The following BCAS3 variants were observed in gnomAD, a reference collection of about 807,000 sequenced individuals.
The protein encoded by BCAS3 is BCAS4/BCAS3 fusion.
Under a neutral mutation model 116.1 loss-of-function variants are expected in BCAS3, and 53 were observed. The observed-to-expected ratio is 0.46, with a 90% CI of 0.37 to 0.57. The LOEUF is 0.57. Among genes scored for constraint, BCAS3 ranks in the 20% least tolerant of loss-of-function variants. The pLI, the probability that BCAS3 is intolerant of heterozygous loss-of-function variation, is 0.00. For missense variants in BCAS3, 917 were observed against 1,165.4 expected, an observed-to-expected ratio of 0.79 and a Z score of 3.10; for synonymous variants, 391 against 408.2, an observed-to-expected ratio of 0.96 and a Z score of 0.51.
intron 22 of BCAS3, among the ~76,000 whole-genome samples, chr17:61,103,833 C>CTATTTTTGTGTATTTT (rs1388317850): frequency 6.6e-6 from 1 of 152,164 alleles, no homozygotes; most frequent in Non-Finnish European, 1.5e-5. Flanking sequence ...ATTTTTATAA[C>CTATTTTTGTGTATTTT]AGTCCCTAAA....
intron 14 of BCAS3, among the ~76,000 whole-genome samples, chr17:60,949,092 G>A (rs971686788): frequency 4.6e-5 from 7 of 152,016 alleles, no homozygotes; most frequent in African/African-American, 1.7e-4. Flanking sequence ...GGCCAGGCTG[G>A]TCTTGAACTC....
intron 19 of BCAS3, among the ~76,000 whole-genome samples, chr17:61,057,030 G>T (rs569254325): frequency 3.9e-5 from 6 of 152,270 alleles, no homozygotes; most frequent in African/African-American, 1.2e-4. Flanking sequence ...AATTATAGCT[G>T]CTCTCGACCA....
chr17:60,960,952 G>T lies in BCAS3; in HGVS notation c.1221+13600G>T, dbSNP rs529965077. On this transcript the variant is annotated intron_variant, in intron 14 of 23. Transcript: ENST00000407086. The surrounding 1 kb of genome is among the most constrained non-coding windows in gnomAD (Gnocchi z 4.1). ...TTCTTGCATTTGTCTCTCTATTCCTGGCTTCTGCTGATTGAGTGGATCCAT... is the reference window on the plus strand; with the variant it reads ...TTCTTGCATTTGTCTCTCTATTCCTTGCTTCTGCTGATTGAGTGGATCCAT... 6.6e-6 allele frequency among the ~76,000 whole-genome samples: 1 copy of T among 151,926 alleles called. No homozygotes were observed. The highest frequency in any genetic ancestry group is 2.4e-5 in the African/African-American group (1 of 41,406).
intron 19 of BCAS3, among the ~76,000 whole-genome samples, chr17:61,072,168 ATTAC>A (rs1412892151): frequency 2.0e-5 from 3 of 152,122 alleles, no homozygotes; most frequent in African/African-American, 7.2e-5. Context: ...TGGAATCTTT[ATTAC>A]TTCCTTTGGA....
intron 22 of BCAS3, among the ~76,000 whole-genome samples, chr17:61,317,660 C>T (rs928267526): frequency 3.3e-5 from 5 of 152,266 alleles, no homozygotes; most frequent in East Asian, 1.9e-4. Context: ...GAGAATTCAG[C>T]GAGACAAGAC....
At chr17:61,290,849 C>G (rs913361854) in intron 22 of BCAS3, among the ~76,000 whole-genome samples, 1 of 152,064 alleles carries the variant, frequency 6.6e-6, no homozygotes, top group Non-Finnish European at 1.5e-5. Context: ...GGCGTGATCT[C>G]GGCTCACTGT....
intron 12 of BCAS3, among the ~76,000 whole-genome samples, chr17:60,921,623 A>C (rs867986739): frequency 0.12 from 18,060 of 149,144 alleles, 3,789 homozygotes; most frequent in African/African-American, 0.43. Context: ...AAAAAAAAAA[A>C]AAAAAAAAAA....
chr17:61,308,605 G>A (rs896727613), intron 22 of BCAS3, among the ~76,000 whole-genome samples: 3 of 152,046 alleles, frequency 2.0e-5, no homozygotes, highest in African/African-American at 4.8e-5. Context: ...GCCTTGAAAC[G>A]ATGAGTCTGC....
At chr17:60,705,209 A>G (rs941476545) in intron 4 of BCAS3, among the ~76,000 whole-genome samples, 1 of 152,140 alleles carries the variant, frequency 6.6e-6, no homozygotes, top group African/African-American at 2.4e-5. Flanking sequence ...GATTTACGAT[A>G]GATACCATCA....
At chr17:60,715,575 G>A (rs570045407) in intron 5 of BCAS3, among the ~76,000 whole-genome samples, 1 of 151,826 alleles carries the variant, frequency 6.6e-6, no homozygotes, top group African/African-American at 2.4e-5. Flanking sequence ...TGCAACCTCC[G>A]CCTCCTGGGT....
rs1243480852 is a variant in BCAS3 at position 60,892,815 on chromosome 17, G to A, written c.738+3044G>A. On this transcript the variant is annotated intron_variant, in intron 10 of 23. Transcript: ENST00000407086. The stretch of plus-strand genomic sequence containing the variant: ...TGGGCGCCTGTAGTCCCAGCTACTC[G>A]GGAGGCTGAGGCAGGAGAATCACTT... Among the ~76,000 whole-genome samples the A allele has an allele frequency of 4.6e-5, 7 of 151,936 alleles. No homozygotes were observed. In the East Asian group the frequency reaches 7.8e-4, roughly 17 times the overall value.
intron 15 of BCAS3, among the ~76,000 whole-genome samples, chr17:60,998,304 A>G (rs1189140610): frequency 6.6e-6 from 1 of 152,182 alleles, no homozygotes; most frequent in African/African-American, 2.4e-5. Flanking sequence ...ACTGCGATGA[A>G]CATATAAGTG....
intron 13 of BCAS3, among the ~76,000 whole-genome samples, chr17:60,946,148 T>C (rs972862119): frequency 2.6e-5 from 4 of 152,128 alleles, no homozygotes; most frequent in Non-Finnish European, 5.9e-5. Context: ...AAATAGCCAA[T>C]TGATCCTTGG....
intron 13 of BCAS3, among the ~76,000 whole-genome samples, chr17:60,937,115 G>A (rs977116933): frequency 6.6e-6 from 1 of 152,100 alleles, no homozygotes; most frequent in Admixed American, 6.6e-5. Context: ...ATTAAATAGG[G>A]AATTGTTTCC....
rs1348072828 is a variant in BCAS3, at chr17:61,217,214, C to G, written c.2425+132650C>G. Among the ~76,000 whole-genome samples the G allele has an allele frequency of 6.6e-6, 1 of 152,038 alleles. No homozygotes were observed. Among genetic ancestry groups the G allele is most frequent in the Admixed American group, 6.5e-5 (1 of 15,268 alleles). On this transcript the variant is annotated intron_variant, in intron 22 of 23. Coordinates refer to ENST00000407086, the MANE Select transcript of BCAS3 (RefSeq NM_017679.5). This position sits in a 1 kb window ranked among gnomAD's most constrained non-coding sequence, Gnocchi z 5.2. ...AGGAGAATCGCTTGAACCCAGGAGG[C>G]GGAGGTTGCAGTGAGCTGAGATCGT... is the stretch of plus-strand genomic sequence containing the variant.
intron 22 of BCAS3, among the ~76,000 whole-genome samples, chr17:61,232,692 C>A (rs2082763038): frequency 1.3e-5 from 2 of 152,158 alleles, no homozygotes; most frequent in Non-Finnish European, 2.9e-5. Flanking sequence ...GTAGAAAATT[C>A]TTTGCAAATC....
In BCAS3 at chr17:61,313,731, A is replaced by G. The variant is rs1184943300; in HGVS notation, c.2426-54596A>G. 6.6e-6 allele frequency among the ~76,000 whole-genome samples: 1 copy of G among 152,212 alleles called. No individual in the cohort carries two copies. Among genetic ancestry groups the G allele is most frequent in the Non-Finnish European group, 1.5e-5 (1 of 68,034 alleles). ...CTGAGGCAGTTAACGATTAAACAAG[A>G]AGCAGCCTTTGGCTACAAAGCTAAT... is the stretch of plus-strand genomic sequence containing the variant. On this transcript the variant is annotated intron_variant, in intron 22 of 23. Transcript: ENST00000407086. The surrounding 1 kb of genome is among the most constrained non-coding windows in gnomAD (Gnocchi z 4.3).
chr17:61,008,723 C>T lies in BCAS3; in HGVS notation c.1487-7028C>T, dbSNP rs1440783650. On this transcript the variant is annotated intron_variant, in intron 15 of 23. Coordinates refer to ENST00000407086, the MANE Select transcript of BCAS3 (RefSeq NM_017679.5). This position sits in a 1 kb window ranked among gnomAD's most constrained non-coding sequence, Gnocchi z 4.6. ...AAAATAAAAAAATAAAAAAAAAGGCCCCGTAGAACTCATCATCTAGTTTTT... is the reference window on the plus strand; with the variant it reads ...AAAATAAAAAAATAAAAAAAAAGGCTCCGTAGAACTCATCATCTAGTTTTT... 1.3e-5 allele frequency among the ~76,000 whole-genome samples: 2 copies of T among 151,632 alleles called. No individual in the cohort carries two copies. Among genetic ancestry groups the T allele is most frequent in the Admixed American group, 6.6e-5 (1 of 15,222 alleles).
In BCAS3 at chr17:60,868,617, G is replaced by A. The variant is rs749209369; in HGVS notation, c.518G>A (p.Arg173His). 21 of 1,604,916 alleles carry A rather than the reference G, an allele frequency of 1.3e-5. No homozygotes were observed. The highest frequency in any genetic ancestry group is 3.4e-5 in the South Asian group (3 of 89,454). Residue 173 changes from arginine to histidine, a missense_variant, in exon 8 of 24, where the codon CGT becomes CAT. Coordinates refer to ENST00000407086, the MANE Select transcript of BCAS3 (RefSeq NM_017679.5). ...PYCCVDLYSLRTGEMVKSIQF... is the reference protein window; with the variant it reads ...PYCCVDLYSLHTGEMVKSIQF... Reference sequence around the variant, plus strand: ...TGTTGTGTGGATCTGTATTCACTTCGTACTGGGGAGATGGTCAAGTCCATT... The same window carrying A: ...TGTTGTGTGGATCTGTATTCACTTCATACTGGGGAGATGGTCAAGTCCATT...
Sources: allele counts gnomAD v4.1 joint callset (sites outside exome capture counted in the v4.1 genomes callset), GRCh38; gene constraint gnomAD v4.1.1; non-coding constraint Gnocchi (gnomAD v3.1); transcripts MANE v1.5; gene names NCBI Gene and HGNC (gene_info 2026-07-23, HGNC 2026-07-21).